Variants in KCNH7 observed in about 807,000 individuals in gnomAD.
The protein encoded by KCNH7 is potassium voltage-gated channel subfamily H member 7.
In KCNH7, 49 loss-of-function variants were observed where a neutral mutation model predicts 120.8. The observed-to-expected ratio is 0.41, with a 90% CI of 0.32 to 0.51. The LOEUF is 0.51. Ranked by LOEUF, KCNH7 falls within the 20% of genes least tolerant of loss-of-function variation. The pLI is 0.38. For synonymous variants in KCNH7, 547 were observed against 516.1 expected, an observed-to-expected ratio of 1.06 and a Z score of -0.81; for missense variants, 1,097 against 1,446.6, an observed-to-expected ratio of 0.76 and a Z score of 3.92.
chr2:162,424,704 CTGGGCACT>C (rs1225839323), intron 8 of KCNH7, among the ~76,000 whole-genome samples: 2 of 152,152 alleles, frequency 1.3e-5, no homozygotes, highest in Non-Finnish European at 2.9e-5. Context: ...ATATGCTTTC[CTGGGCACT>C]TGCTTGCTTT....
chr2:162,375,659 G>A (rs1294223749), intron 14 of KCNH7, among the ~76,000 whole-genome samples: 1 of 152,110 alleles, frequency 6.6e-6, no homozygotes, highest in African/African-American at 2.4e-5. Flanking sequence ...CAGTCACGAT[G>A]GTTCATGCCT....
chr2:162,630,067 T>A (rs1453918508), intron 2 of KCNH7, among the ~76,000 whole-genome samples: 1 of 151,990 alleles, frequency 6.6e-6, no homozygotes, highest in Non-Finnish European at 1.5e-5. Flanking sequence ...CTAAATGAAA[T>A]GGATATGAAG....
chr2:162,423,140 A>C (rs1687757312), intron 9 of KCNH7, 196 bp downstream of exon 9: 1 of 1,154,698 alleles, frequency 8.7e-7, no homozygotes, highest in Admixed American at 2.4e-5. Context: ...TGCCTTTGCC[A>C]CACAGTATAA....
chr2:162,714,970 G>A (rs1298827750), intron 2 of KCNH7, among the ~76,000 whole-genome samples: 2 of 152,132 alleles, frequency 1.3e-5, no homozygotes, highest in African/African-American at 4.8e-5. Flanking sequence ...TGTTATAAAT[G>A]TCATGCTAAT....
intron 2 of KCNH7, among the ~76,000 whole-genome samples, chr2:162,689,286 G>A (rs1422972758): frequency 6.6e-6 from 1 of 152,002 alleles, no homozygotes; most frequent in Non-Finnish European, 1.5e-5. Context: ...GAGTAGCTGG[G>A]ATTACAGGCA....
intron 3 of KCNH7, among the ~76,000 whole-genome samples, chr2:162,527,649 T>A (rs1215496792): frequency 4.6e-5 from 7 of 151,998 alleles, no homozygotes; most frequent in Non-Finnish European, 1.5e-5. Context: ...TTTTGTGTGG[T>A]TAGGCTTAGC....
chr2:162,813,800 CACTT>C (rs1454495487), intron 2 of KCNH7, among the ~76,000 whole-genome samples: 6 of 152,104 alleles, frequency 3.9e-5, no homozygotes, highest in African/African-American at 1.2e-4. Flanking sequence ...GTTATATTGA[CACTT>C]ACTTCCAAGA....
intron 6 of KCNH7, among the ~76,000 whole-genome samples, chr2:162,467,687 A>G (rs572008134): frequency 5.4e-4 from 82 of 152,334 alleles, no homozygotes; most frequent in Non-Finnish European, 9.1e-4. Context: ...AGACTAAGAC[A>G]ATGCTCAATC....
intron 2 of KCNH7, among the ~76,000 whole-genome samples, chr2:162,697,666 G>A (rs1252834494): frequency 3.9e-5 from 6 of 152,008 alleles, no homozygotes; most frequent in Non-Finnish European, 7.4e-5. Context: ...ATAGAAGAAT[G>A]TCTGTCTTAT....
At chr2:162,546,207 A>T (rs1692471296) in intron 2 of KCNH7, among the ~76,000 whole-genome samples, 1 of 152,160 alleles carries the variant, frequency 6.6e-6, no homozygotes, top group South Asian at 2.1e-4. Flanking sequence ...TATGAGTGTT[A>T]AAATAAGCTG....
intron 6 of KCNH7, among the ~76,000 whole-genome samples, chr2:162,486,548 C>CT (rs1259388813): frequency 6.6e-6 from 1 of 152,054 alleles, no homozygotes; most frequent in East Asian, 1.9e-4. Context: ...AAAAAGAAAC[C>CT]TATGTGAGCT....
intron 2 of KCNH7, among the ~76,000 whole-genome samples, chr2:162,592,814 T>C (rs1239287218): frequency 1.3e-5 from 2 of 152,114 alleles, no homozygotes; most frequent in Non-Finnish European, 2.9e-5. Flanking sequence ...CTGGCCACGT[T>C]TACAAATAGA....
At chr2:162,410,075 A>T (rs1051272125) in intron 9 of KCNH7, among the ~76,000 whole-genome samples, 1 of 152,100 alleles carries the variant, frequency 6.6e-6, no homozygotes, top group Non-Finnish European at 1.5e-5. Context: ...AATTAGAAAA[A>T]ATTATTCTAA....
At chr2:162,379,246 A>G (rs1267611419) in intron 14 of KCNH7, among the ~76,000 whole-genome samples, 1 of 152,138 alleles carries the variant, frequency 6.6e-6, no homozygotes, top group Non-Finnish European at 1.5e-5. Flanking sequence ...CCACTCATAG[A>G]TTCTTTTCAA....
chr2:162,831,223 C>T (rs529811400), intron 2 of KCNH7, among the ~76,000 whole-genome samples: 3 of 152,028 alleles, frequency 2.0e-5, no homozygotes, highest in East Asian at 1.9e-4. Context: ...ATGGTTGTAC[C>T]CACTATTTAA....
chr2:162,792,817 C>T (rs1435294071), intron 2 of KCNH7, among the ~76,000 whole-genome samples: 1 of 143,932 alleles, frequency 6.9e-6, no homozygotes, highest in Non-Finnish European at 1.5e-5. Context: ...GTCTCAATCT[C>T]CTTCAGTTCA....
At chr2:162,609,490 T>C (rs904991335) in intron 2 of KCNH7, among the ~76,000 whole-genome samples, 3 of 152,184 alleles carry the variant, frequency 2.0e-5, no homozygotes, top group Non-Finnish European at 4.4e-5. Context: ...GTTGTCCTTA[T>C]ATGAAGTCAC....
chr2:162,394,207 CATT>C (rs764791349), intron 12 of KCNH7, among the ~76,000 whole-genome samples, 179 bp downstream of exon 12: 2 of 151,922 alleles, frequency 1.3e-5, no homozygotes, highest in Non-Finnish European at 2.9e-5. Flanking sequence ...TGAATGATAT[CATT>C]GAGAGCTATC....
At chr2:162,663,063 C>A (rs1685020568) in intron 2 of KCNH7, among the ~76,000 whole-genome samples, 1 of 152,144 alleles carries the variant, frequency 6.6e-6, no homozygotes, top group Non-Finnish European at 1.5e-5. Flanking sequence ...GGATGAAAGA[C>A]AATCAATGAG....
Sources: gnomAD v4.1 joint callset for allele counts (sites outside exome capture counted in the v4.1 genomes callset) on GRCh38, gnomAD v4.1.1 for gene constraint, MANE v1.5 for transcripts, NCBI Gene and HGNC (gene_info 2026-07-23, HGNC 2026-07-21) for gene names.